The following CLMP variants were observed in gnomAD, a reference collection of about 807,000 sequenced individuals.
The protein encoded by CLMP is CXADR like cell adhesion molecule.
A neutral mutation model predicts 45.2 loss-of-function variants in CLMP; 27 were observed. The observed-to-expected ratio is 0.60, with a 90% CI of 0.44 to 0.82. The LOEUF (loss-of-function observed/expected upper bound fraction) is 0.82. CLMP is among the 40% of genes least tolerant of loss of function. The pLI is 0.00. For synonymous variants in CLMP, 167 were observed against 171.4 expected (o/e 0.97, Z 0.20); for missense variants, 403 against 448.4 (o/e 0.90, Z 0.91).
chr11:123,122,063 G>A (rs751739459), intron 1 of CLMP, among the ~76,000 whole-genome samples: 2 of 152,112 alleles, frequency 1.3e-5, no homozygotes, highest in African/African-American at 4.8e-5. Flanking sequence ...AGTGGGTTTT[G>A]GGGAGGAAAC....
intron 1 of CLMP, among the ~76,000 whole-genome samples, chr11:123,172,202 C>T (rs1228723435): frequency 6.6e-6 from 1 of 152,014 alleles, no homozygotes; most frequent in Non-Finnish European, 1.5e-5. Context: ...CCAGGTGCCT[C>T]CTGGGGTCAA....
chr11:123,141,952 G>T (rs548572937), intron 1 of CLMP, among the ~76,000 whole-genome samples: 31 of 148,516 alleles, frequency 2.1e-4, no homozygotes, highest in African/African-American at 7.2e-4. Flanking sequence ...GAGCCAGAGA[G>T]AATTAAATTG....
intron 1 of CLMP, among the ~76,000 whole-genome samples, chr11:123,111,506 CAAAGAACTGA>C (rs1860638055): frequency 6.6e-6 from 1 of 152,144 alleles, no homozygotes; most frequent in Admixed American, 6.5e-5. Context: ...AGCGCTTTTT[CAAAGAACTGA>C]AAAGAACTGG....
At chr11:123,090,677 G>T (rs1371268765) in intron 2 of CLMP, among the ~76,000 whole-genome samples, 1 of 152,072 alleles carries the variant, frequency 6.6e-6, no homozygotes, top group African/African-American at 2.4e-5. Context: ...GTTCAAGAAG[G>T]CCCCTAAGGT....
chr11:123,144,131 G>A (rs1238576552), intron 1 of CLMP, among the ~76,000 whole-genome samples: 3 of 148,792 alleles, frequency 2.0e-5, no homozygotes, highest in Non-Finnish European at 4.4e-5. Flanking sequence ...GAGATTCTAA[G>A]CAGAGGATCC....
chr11:123,070,628 A>C lies in CLMP; in HGVS notation c.*2846T>G, dbSNP rs1565373357. 6.6e-6 allele frequency: 1 copy of C among 152,216 alleles called. No homozygotes were observed. Among genetic ancestry groups the C allele is most frequent in the Non-Finnish European group, 1.5e-5 (1 of 68,042 alleles). The allele number at this position is 152,216 out of a possible 1,614,324, so 9.4% of individuals were successfully genotyped here. ...AATGATGAGCAAATTGCTAGTGATG[A>C]TACAGCTGCAGCTTCCGTTGTGTAT... On this transcript the variant is annotated 3_prime_UTR_variant, in exon 7 of 7. Transcript: ENST00000448775.
chr11:123,119,378 C>T (rs1468772890), intron 1 of CLMP, among the ~76,000 whole-genome samples: 3 of 151,986 alleles, frequency 2.0e-5, no homozygotes, highest in Non-Finnish European at 4.4e-5. Context: ...TCACCATGCC[C>T]GGCTGATCTT....
chr11:123,111,319 C>T (rs149670101), intron 1 of CLMP, among the ~76,000 whole-genome samples: 112 of 152,176 alleles, frequency 7.4e-4, no homozygotes, highest in African/African-American at 2.3e-3. Context: ...TTAGTAGAGA[C>T]GGAGTTTCAC....
At chr11:123,181,360 G>A (rs1313187750) in intron 1 of CLMP, among the ~76,000 whole-genome samples, 13 of 152,146 alleles carry the variant, frequency 8.5e-5, no homozygotes, top group Admixed American at 7.9e-4. Context: ...TAGGTCCCAG[G>A]CTCTCTGCAG....
intron 2 of CLMP, among the ~76,000 whole-genome samples, chr11:123,088,980 A>G (rs1865896342): frequency 6.6e-6 from 1 of 152,190 alleles, no homozygotes; most frequent in Admixed American, 6.6e-5. Context: ...CTTGAAATAT[A>G]TATTTGAATT....
intron 1 of CLMP, among the ~76,000 whole-genome samples, chr11:123,184,677 G>T (rs1191492509): frequency 2.0e-5 from 3 of 152,224 alleles, no homozygotes; most frequent in Non-Finnish European, 4.4e-5. Flanking sequence ...TGCTGGGAGG[G>T]CTTTGACCAC....
intron 1 of CLMP, among the ~76,000 whole-genome samples, chr11:123,121,884 C>G (rs1167181001): frequency 6.6e-6 from 1 of 152,124 alleles, no homozygotes; most frequent in Non-Finnish European, 1.5e-5. Flanking sequence ...GTACTGACTA[C>G]AGGCACGTGC....
intron 1 of CLMP, among the ~76,000 whole-genome samples, chr11:123,184,997 GA>G (rs1285673429): frequency 6.6e-6 from 1 of 152,202 alleles, no homozygotes; most frequent in Non-Finnish European, 1.5e-5. Context: ...TCGGGGCTGA[GA>G]GGGGCGAGCA....
At chr11:123,143,589 G>C (rs895136483) in intron 1 of CLMP, among the ~76,000 whole-genome samples, 2 of 152,130 alleles carry the variant, frequency 1.3e-5, no homozygotes, top group African/African-American at 4.8e-5. Flanking sequence ...CTGACTCTCT[G>C]TCCTACAACC....
chr11:123,135,254 C>A (rs905716536), intron 1 of CLMP, among the ~76,000 whole-genome samples: 4 of 112,354 alleles, frequency 3.6e-5, no homozygotes, highest in South Asian at 2.6e-4. Flanking sequence ...AAAAAGACTC[C>A]GTCTCAAAAA....
At chr11:123,094,875 A>G (rs1330052573) in intron 2 of CLMP, among the ~76,000 whole-genome samples, 1 of 152,078 alleles carries the variant, frequency 6.6e-6, no homozygotes, top group East Asian at 1.9e-4. Context: ...GGTTCAAGCA[A>G]TCTACCCACC....
At chr11:123,162,245 A>C (rs1259515355) in intron 1 of CLMP, among the ~76,000 whole-genome samples, 1 of 152,208 alleles carries the variant, frequency 6.6e-6, no homozygotes, top group East Asian at 1.9e-4. Flanking sequence ...GGCAGGAGAA[A>C]GTGGGAAGAA....
chr11:123,162,870 A>G (rs1337387564), intron 1 of CLMP, among the ~76,000 whole-genome samples: 1 of 151,506 alleles, frequency 6.6e-6, no homozygotes, highest in Non-Finnish European at 1.5e-5. Context: ...GCACCACCGC[A>G]CTCCAGCCTG....
At chr11:123,077,246 C>G (rs942543816) in intron 5 of CLMP, among the ~76,000 whole-genome samples, 1 of 151,864 alleles carries the variant, frequency 6.6e-6, no homozygotes, top group South Asian at 2.1e-4. Context: ...TGATCTACCC[C>G]CCGCCTTGGC....
Sources: allele counts gnomAD v4.1 joint callset (sites outside exome capture counted in the v4.1 genomes callset), GRCh38; gene constraint gnomAD v4.1.1; transcripts MANE v1.5; gene names NCBI Gene and HGNC (gene_info 2026-07-23, HGNC 2026-07-21).